PPP1R14A: variants seen among roughly 807,000 people sequenced by gnomAD.
The protein encoded by PPP1R14A is protein phosphatase 1 regulatory subunit 14A.
PPP1R14A carries 9 observed loss-of-function variants against 14.1 expected under a neutral mutation model. That is an observed-to-expected ratio of 0.64 (90% CI 0.38 to 1.11). The LOEUF (loss-of-function observed/expected upper bound fraction) is 1.11. PPP1R14A is among the 50% of genes most tolerant of loss of function. The pLI is 0.01. For missense variants in PPP1R14A, 208 were observed against 200.7 expected (o/e 1.04, Z -0.22); for synonymous variants, 93 against 88.7 (o/e 1.05, Z -0.27).
chr19:38,253,339 T>G, intron 1 of PPP1R14A: 1 of 200,892 alleles, frequency 5.0e-6, no homozygotes, highest in East Asian at 1.4e-4. Context: ...TTCTGCCCTT[T>G]CAAGGAAAAG....
chr19:38,253,069 C>T (rs1968208262), intron 1 of PPP1R14A, 95 bp from the exon 2 acceptor site: 1 of 963,284 alleles, frequency 1.0e-6, no homozygotes, highest in Non-Finnish European at 1.6e-6. Flanking sequence ...CCCCAGGGCC[C>T]AGCTGGCGGG....
At chr19:38,253,454 G>A (rs763443131) in intron 1 of PPP1R14A, among the ~76,000 whole-genome samples, 2 of 150,890 alleles carry the variant, frequency 1.3e-5, no homozygotes, top group Admixed American at 6.6e-5. Context: ...GGGAGGGGAC[G>A]GCTTGGGCCA....
Position 38,252,833 on chromosome 19 carries a change from A to G in PPP1R14A, c.282+61T>C, listed in dbSNP as rs921030665. 4 of 1,191,728 alleles carry G rather than the reference A, an allele frequency of 3.4e-6. No individual in the cohort carries two copies. In the Admixed American group the frequency reaches 5.0e-5, roughly 15 times the overall value. 73.8% of individuals were successfully genotyped at this position (1,191,728 alleles called of 1,614,324 possible). On this transcript the variant is annotated intron_variant, in intron 2 of 3. Transcript: ENST00000301242. The surrounding 1 kb of genome is among the most constrained non-coding windows in gnomAD (Gnocchi z 4.1). Reference sequence around the variant, plus strand: ...TGAGCACTCAGTAAACACGTGAACTATTGCTATTATTTTTAGGGAGGTGCA... The same window carrying G: ...TGAGCACTCAGTAAACACGTGAACTGTTGCTATTATTTTTAGGGAGGTGCA...
chr19:38,252,456 G>T lies in PPP1R14A; in HGVS notation c.283-118C>A. The T allele has an allele frequency of 9.9e-7, 1 of 1,006,914 alleles. No individual in the cohort carries two copies. The highest frequency in any genetic ancestry group is 1.5e-6 in the Non-Finnish European group (1 of 662,002). The allele number at this position is 1,006,914 out of a possible 1,614,324, so 62.4% of individuals were successfully genotyped here. On this transcript the variant is annotated intron_variant, in intron 2 of 3. Coordinates refer to ENST00000301242, the MANE Select transcript of PPP1R14A (RefSeq NM_033256.3). This position sits in a 1 kb window ranked among gnomAD's most constrained non-coding sequence, Gnocchi z 4.1. ...AAGACAAATGGAAGTCAGACTCCAG[G>T]GTGGACTGCCCACCAAGCTTCAAGA... is the stretch of plus-strand genomic sequence containing the variant.
At chr19:38,255,068 G>C (rs1164237791) in intron 1 of PPP1R14A, among the ~76,000 whole-genome samples, 1 of 152,198 alleles carries the variant, frequency 6.6e-6, no homozygotes, top group African/African-American at 2.4e-5. Flanking sequence ...ACAGGCGTGA[G>C]CCACCGTGCC....
chr19:38,253,910 C>T (rs969571385), intron 1 of PPP1R14A, among the ~76,000 whole-genome samples: 1 of 152,170 alleles, frequency 6.6e-6, no homozygotes, highest in African/African-American at 2.4e-5. Context: ...GGACTGTGGT[C>T]CTGCAGGTGT....
intron 1 of PPP1R14A, among the ~76,000 whole-genome samples, chr19:38,255,335 C>G (rs979910297): frequency 1.3e-5 from 2 of 152,166 alleles, no homozygotes; most frequent in African/African-American, 4.8e-5. Flanking sequence ...CCCCATGTTG[C>G]CCAGGCTGGT....
chr19:38,252,273 G>A lies in PPP1R14A; in HGVS notation c.315+33C>T, dbSNP rs1302446896. 1 of 1,606,836 alleles carries A rather than the reference G, an allele frequency of 6.2e-7. No homozygotes were observed. Among genetic ancestry groups the A allele is most frequent in the Admixed American group, 1.7e-5 (1 of 59,182 alleles). ...TCCCCCATCAGAGTACTTGGGGCCA[G>A]AACAGGGAGAGAATGAGGGAGAGAA... On this transcript the variant is annotated intron_variant, in intron 3 of 3. Transcript: ENST00000301242. This position sits in a 1 kb window ranked among gnomAD's most constrained non-coding sequence, Gnocchi z 4.1.
chr19:38,253,025 G>A (rs565211482), intron 1 of PPP1R14A, 51 bp from the exon 2 acceptor site: 70 of 1,462,692 alleles, frequency 4.8e-5, no homozygotes, highest in Admixed American at 2.0e-4. Context: ...TCCCTCCCTC[G>A]CCTTTGTCCA....
In PPP1R14A at chr19:38,251,356, T is replaced by C. The variant is rs1968187569; in HGVS notation, c.406A>G (p.Ser136Gly). The stretch of plus-strand genomic sequence containing the variant: ...GTCCGGGCCCGGTCCTGGAGGGGGC[T>C]GAGGCTGCCGTCGTGGGAGGGGCTT... ...QPSPSHDGSLSPLQDRARTAH... is the reference protein window; with the variant it reads ...QPSPSHDGSLGPLQDRARTAH... Residue 136 changes from serine to glycine, a missense_variant, in exon 4 of 4, where the codon AGC becomes GGC. Ser to Gly is a moderately conservative substitution (Grantham distance 56). Coordinates refer to ENST00000301242, the MANE Select transcript of PPP1R14A (RefSeq NM_033256.3). The C allele has an allele frequency of 1.3e-6, 2 of 1,549,026 alleles. No homozygotes were observed. The highest frequency in any genetic ancestry group is 1.7e-6 in the Non-Finnish European group (2 of 1,157,732).
At chr19:38,254,368 G>T (rs1209175428) in intron 1 of PPP1R14A, among the ~76,000 whole-genome samples, 1 of 151,068 alleles carries the variant, frequency 6.6e-6, no homozygotes, top group African/African-American at 2.4e-5. Flanking sequence ...ACAATGGCGC[G>T]ATCTTGGCTC....
chr19:38,253,135 G>A (rs1479263582), intron 1 of PPP1R14A, 161 bp from the exon 2 acceptor site: 3 of 608,434 alleles, frequency 4.9e-6, no homozygotes, highest in Non-Finnish European at 8.8e-6. Flanking sequence ...GGACATCTGG[G>A]TGTTGGGGGG....
chr19:38,251,491 G>A (rs1182652243), intron 3 of PPP1R14A, 45 bp from the exon 4 acceptor site: 3 of 1,509,480 alleles, frequency 2.0e-6, no homozygotes, highest in Non-Finnish European at 1.7e-6. Flanking sequence ...CAGTGCGGGG[G>A]CACCCTCTGC....
In PPP1R14A at chr19:38,251,352, G is replaced by T. The variant is rs772513917; in HGVS notation, c.410C>A (p.Pro137His). ...PSPSHDGSLS[P>H]LQDRARTAHP ...AGCAGTCCGGGCCCGGTCCTGGAGG[G>T]GGCTGAGGCTGCCGTCGTGGGAGGG... The change falls in exon 4 of 4, where the codon CCC becomes CAC. Residue 137 changes from proline (P) to histidine (H), a missense_variant. Transcript: ENST00000301242. The T allele has an allele frequency of 6.5e-7, 1 of 1,548,856 alleles. No homozygotes were observed. The highest frequency in any genetic ancestry group is 2.2e-5 in the Admixed American group (1 of 45,044).
In PPP1R14A at chr19:38,252,920, C is replaced by A; in HGVS notation, c.256G>T (p.Glu86Ter). ...TGGATTTTCCGGCTTCTCTCCTCTT[C>A]ACTCTCTAACTCCAACAATTCATCA... The part of the protein sequence containing the change: ...NIDELLELES[E>*]EERSRKIQGL... The change falls in exon 2 of 4, where the codon GAA becomes TAA. Residue 86 changes from glutamate to a stop codon, truncating the protein, a stop_gained. Coordinates refer to ENST00000301242, the MANE Select transcript of PPP1R14A (RefSeq NM_033256.3). LOFTEE classifies it high-confidence loss of function. This position sits in a 1 kb window ranked among gnomAD's most constrained non-coding sequence, Gnocchi z 4.1. 6.2e-7 allele frequency: 1 copy of A among 1,614,074 alleles called. No homozygotes were observed. The highest frequency in any genetic ancestry group is 1.7e-4 in the Middle Eastern group (1 of 6,058).
intron 1 of PPP1R14A, among the ~76,000 whole-genome samples, chr19:38,254,617 C>A (rs140655176): frequency 6.6e-6 from 1 of 151,402 alleles, no homozygotes; most frequent in Non-Finnish European, 1.5e-5. Flanking sequence ...TGAGGCCCCA[C>A]CTCTAAGGAA....
chr19:38,255,218 G>A (rs865783537), intron 1 of PPP1R14A, among the ~76,000 whole-genome samples: 19 of 152,114 alleles, frequency 1.2e-4, no homozygotes, highest in African/African-American at 4.3e-4. Flanking sequence ...TGGCCTCTCA[G>A]GCTCAAGCAA....
rs866549377 is a variant in PPP1R14A at position 38,252,674 on chromosome 19, G to A, written c.282+220C>T. Reference sequence around the variant, plus strand: ...TTCTGAGCTGTGTGACACTGGGCAAGGGATTCAACCTCTCTGGGCCTCATT... The same window carrying A: ...TTCTGAGCTGTGTGACACTGGGCAAAGGATTCAACCTCTCTGGGCCTCATT... On this transcript the variant is annotated intron_variant, in intron 2 of 3. Transcript: ENST00000301242. This position sits in a 1 kb window ranked among gnomAD's most constrained non-coding sequence, Gnocchi z 4.1. Among the ~76,000 whole-genome samples, 1 of 152,188 alleles carries A rather than the reference G, an allele frequency of 6.6e-6. No homozygotes were observed.
chr19:38,254,789 T>TTTTG (rs887209723), intron 1 of PPP1R14A, among the ~76,000 whole-genome samples: 265 of 152,206 alleles, frequency 1.7e-3, no homozygotes, highest in African/African-American at 5.8e-3. Context: ...GCTTACAGTT[T>TTTTG]TTTGTTTGTT....
Sources: gnomAD v4.1 joint callset for allele counts (sites outside exome capture counted in the v4.1 genomes callset) on GRCh38, gnomAD v4.1.1 for gene constraint, Gnocchi (gnomAD v3.1) non-coding constraint, MANE v1.5 for transcripts, NCBI Gene and HGNC (gene_info 2026-07-23, HGNC 2026-07-21) for gene names.